Variants in NTRK3 observed in about 807,000 individuals in gnomAD.
NTRK3 encodes the protein NT-3 growth factor receptor.
In NTRK3, 24 loss-of-function variants were observed where a neutral mutation model predicts 91.7. The ratio of observed to expected loss-of-function variants is 0.26; its 90% CI spans 0.19 to 0.37. NTRK3 has a LOEUF of 0.37. NTRK3 is among the 10% of genes least tolerant of loss of function. The pLI is 1.00. For synonymous variants in NTRK3, 483 were observed against 404.0 expected, an observed-to-expected ratio of 1.20 and a Z score of -2.34; for missense variants, 880 against 1,068.9, an observed-to-expected ratio of 0.82 and a Z score of 2.46.
intron 17 of NTRK3, among the ~76,000 whole-genome samples, chr15:87,899,697 G>C (rs904863755): frequency 2.6e-5 from 4 of 152,162 alleles, no homozygotes; most frequent in Admixed American, 1.3e-4. Flanking sequence ...ACAATACATA[G>C]CACAGCAGAA....
chr15:88,137,632 G>T (rs916235988), intron 6 of NTRK3, 71 bp from the exon 7 acceptor site: 3 of 1,515,640 alleles, frequency 2.0e-6, no homozygotes, highest in Non-Finnish European at 1.8e-6. Context: ...AGGGCTATGA[G>T]GACAAGGGGG....
At chr15:88,120,663 T>C (rs2052607391) in intron 13 of NTRK3, among the ~76,000 whole-genome samples, 1 of 152,168 alleles carries the variant, frequency 6.6e-6, no homozygotes, top group African/African-American at 2.4e-5. Flanking sequence ...GTGCCCCAGG[T>C]TGGAAAAAGT....
intron 14 of NTRK3, among the ~76,000 whole-genome samples, chr15:87,999,442 C>G (rs2075944281): frequency 6.6e-6 from 1 of 152,200 alleles, no homozygotes; most frequent in Admixed American, 6.5e-5. Context: ...CTGTCACTCC[C>G]ATTATTCATC....
rs2068966835 is a variant in NTRK3 at position 87,933,278 on chromosome 15, G to A, written c.1717-94C>T. 3.5e-5 allele frequency: 42 copies of A among 1,194,442 alleles called. No homozygotes were observed. The South Asian group carries it at 5.5e-4, about 16-fold the overall frequency. The allele number at this position is 1,194,442 out of a possible 1,614,324, so 74.0% of individuals were successfully genotyped here. On this transcript the variant is annotated intron_variant, in intron 15 of 18. Transcript: ENST00000394480. ...AAGAAACTGGCCCCACACACCACTG[G>A]GTTACCAATAAATATGAATCTAAAT...
chr15:88,140,860 G>C (rs924181640), intron 6 of NTRK3, among the ~76,000 whole-genome samples: 1 of 152,212 alleles, frequency 6.6e-6, no homozygotes, highest in African/African-American at 2.4e-5. Context: ...CTAGAGTGGA[G>C]TGGGAAAAAC....
intron 14 of NTRK3, among the ~76,000 whole-genome samples, chr15:88,028,713 C>T (rs993753564): frequency 8.5e-5 from 13 of 152,172 alleles, no homozygotes; most frequent in South Asian, 2.1e-4. Context: ...CTGACAAGGA[C>T]ACCCAAGGAC....
exon 19 of NTRK3, chr15:87,863,406 T>G (rs2064576210): frequency 4.4e-6 from 1 of 226,246 alleles, no homozygotes. Flanking sequence ...ACACCCAGGC[T>G]TCGCTGCAGA....
intron 14 of NTRK3, among the ~76,000 whole-genome samples, chr15:87,946,420 T>C (rs1170021534): frequency 6.6e-6 from 1 of 152,110 alleles, no homozygotes; most frequent in Admixed American, 6.5e-5. Context: ...CAAAGGTGAG[T>C]GTGTGCACTC....
intron 13 of NTRK3, among the ~76,000 whole-genome samples, chr15:88,106,107 C>T (rs1369159505): frequency 4.6e-5 from 7 of 152,248 alleles, no homozygotes; most frequent in African/African-American, 1.2e-4. Context: ...TCCATTCCGG[C>T]TTACCCAGTG....
chr15:88,120,639 C>T lies in NTRK3; in HGVS notation c.1396+5632G>A, dbSNP rs187624917. ...TACTCCTCCATCAGCTCCTATCTTT[C>T]CCCAAGGCCAGGAGTGCCCCAGGTT... On this transcript the variant is annotated intron_variant, in intron 13 of 18. Coordinates refer to ENST00000394480, the Ensembl canonical transcript of NTRK3. Among the ~76,000 whole-genome samples, 236 of 152,342 alleles carry T rather than the reference C, an allele frequency of 1.5e-3. 1 individual carries two copies. The highest frequency in any genetic ancestry group is 0.01 in the Middle Eastern group (3 of 294).
chr15:87,957,981 A>G (rs1006661137), intron 14 of NTRK3, among the ~76,000 whole-genome samples: 6 of 152,190 alleles, frequency 3.9e-5, no homozygotes, highest in Admixed American at 2.6e-4. Flanking sequence ...AAGGGAGCCT[A>G]TAAGCTTGGG....
chr15:88,199,712 G>A (rs1036362094), intron 3 of NTRK3, among the ~76,000 whole-genome samples: 2 of 152,206 alleles, frequency 1.3e-5, no homozygotes, highest in African/African-American at 4.8e-5. Flanking sequence ...TGGTGTCTGT[G>A]CCCTTAACTC....
At chr15:88,051,395 C>T (rs1322827663) in intron 13 of NTRK3, among the ~76,000 whole-genome samples, 2 of 152,218 alleles carry the variant, frequency 1.3e-5, no homozygotes, top group Non-Finnish European at 2.9e-5. Context: ...CTCTGTCTCT[C>T]GCTAGTGATT....
At chr15:87,915,102 G>T (rs760862332) in intron 17 of NTRK3, among the ~76,000 whole-genome samples, 3 of 151,974 alleles carry the variant, frequency 2.0e-5, no homozygotes, top group Non-Finnish European at 4.4e-5. Context: ...GGTGATGGGG[G>T]TGGTGATGGT....
rs1435155688 is a variant in NTRK3, at chr15:87,981,074, T to A, written c.1586-40321A>T. 1.5e-5 allele frequency: 19 copies of A among 1,237,728 alleles called. No individual in the cohort carries two copies. The East Asian group carries it at 1.8e-4, about 12-fold the overall frequency. 76.7% of individuals were successfully genotyped at this position (1,237,728 alleles called of 1,614,324 possible). A position where few individuals can be genotyped will look rare whatever the true frequency, so the allele number is the denominator to read the frequency against. ...GAAGACACTCCTTTAATTTAAGGGA[T>A]TTTTTTAGTACCAAATCCCGTGCTG... is the stretch of plus-strand genomic sequence containing the variant. On this transcript the variant is annotated intron_variant, in intron 14 of 18. Coordinates refer to ENST00000394480, the Ensembl canonical transcript of NTRK3.
exon 19 of NTRK3, chr15:87,861,389 A>C (rs749962349): frequency 2.4e-5 from 5 of 210,544 alleles, no homozygotes; most frequent in Non-Finnish European, 3.9e-5. Flanking sequence ...ATAAAGGGAC[A>C]TGTAATGTCC....
chr15:87,881,834 T>C (rs1250454538), intron 17 of NTRK3, among the ~76,000 whole-genome samples: 4 of 152,208 alleles, frequency 2.6e-5, no homozygotes, highest in African/African-American at 9.7e-5. Context: ...CATGTTTGCC[T>C]TAACCACTTG....
chr15:88,030,730 CTGA>C, intron 14 of NTRK3, among the ~76,000 whole-genome samples: 1 of 152,068 alleles, frequency 6.6e-6, no homozygotes, highest in South Asian at 2.1e-4. Context: ...ACGTTTCCAG[CTGA>C]GACTCAACAA....
chr15:88,153,356 C>T (rs1421672126), intron 5 of NTRK3, among the ~76,000 whole-genome samples: 2 of 152,156 alleles, frequency 1.3e-5, no homozygotes, highest in South Asian at 2.1e-4. Flanking sequence ...GATTCTTCTG[C>T]CTACGCCTCC....
Sources: allele counts gnomAD v4.1 joint callset (sites outside exome capture counted in the v4.1 genomes callset), GRCh38; gene constraint gnomAD v4.1.1; transcripts MANE v1.5; gene names NCBI Gene and HGNC (gene_info 2026-07-23, HGNC 2026-07-21).